The following MAGI2 variants were observed in gnomAD, a reference collection of about 807,000 sequenced individuals.
The protein encoded by MAGI2 is membrane-associated guanylate kinase, WW and PDZ domain-containing protein 2.
In MAGI2, 35 loss-of-function variants were observed where a neutral mutation model predicts 133.3. That is an observed-to-expected ratio of 0.26 (90% CI 0.20 to 0.35). The LOEUF is 0.35. MAGI2 is among the 10% of genes least tolerant of loss of function. The pLI is 1.00. For synonymous variants in MAGI2, 729 were observed against 710.6 expected (o/e 1.03, Z -0.41); for missense variants, 1,636 against 1,863.4 (o/e 0.88, Z 2.25).
intron 2 of MAGI2, among the ~76,000 whole-genome samples, chr7:78,718,303 C>T (rs185145049): frequency 4.6e-5 from 7 of 152,292 alleles, no homozygotes; most frequent in Admixed American, 4.6e-4. Context: ...CACATACCGT[C>T]CATCTCAGCA....
intron 2 of MAGI2, among the ~76,000 whole-genome samples, chr7:78,685,466 G>GTT (rs5885086): frequency 1.8e-4 from 26 of 141,626 alleles, no homozygotes; most frequent in African/African-American, 6.1e-4. Flanking sequence ...TGTCATTGTC[G>GTT]TTTTTTTTTT....
intron 16 of MAGI2, among the ~76,000 whole-genome samples, chr7:78,155,468 G>A (rs1824296718): frequency 6.6e-6 from 1 of 152,078 alleles, no homozygotes. Flanking sequence ...ACAAAAATTA[G>A]CTGGACATGG....
intron 9 of MAGI2, among the ~76,000 whole-genome samples, chr7:78,316,991 G>A (rs1787478242): frequency 6.6e-6 from 1 of 150,396 alleles, no homozygotes; most frequent in African/African-American, 2.5e-5. Flanking sequence ...AACATTTTGA[G>A]ACACTCCTGA....
At chr7:79,427,500 A>G (rs977526239) in intron 1 of MAGI2, among the ~76,000 whole-genome samples, 1 of 152,192 alleles carries the variant, frequency 6.6e-6, no homozygotes, top group East Asian at 1.9e-4. Context: ...CTTCTAATAG[A>G]GCAATCAAGG....
intron 1 of MAGI2, among the ~76,000 whole-genome samples, chr7:79,043,282 C>A (rs1320931099): frequency 6.6e-6 from 1 of 151,872 alleles, no homozygotes; most frequent in Non-Finnish European, 1.5e-5. Context: ...CAGTGGCTCA[C>A]GCCTGTAATC....
chr7:78,816,154 C>G (rs1470848300), intron 2 of MAGI2, among the ~76,000 whole-genome samples: 1 of 152,204 alleles, frequency 6.6e-6, no homozygotes, highest in Admixed American at 6.5e-5. Flanking sequence ...GAAGATTCCA[C>G]CAGCTACATT....
chr7:78,661,512 T>C (rs1431110495), intron 2 of MAGI2, among the ~76,000 whole-genome samples: 11 of 152,196 alleles, frequency 7.2e-5, no homozygotes, highest in Admixed American at 7.2e-4. Context: ...GAAGCTTGAA[T>C]GTTAACCGTT....
intron 6 of MAGI2, among the ~76,000 whole-genome samples, chr7:78,377,637 C>A (rs1585053814): frequency 6.7e-6 from 1 of 149,740 alleles, no homozygotes; most frequent in African/African-American, 2.5e-5. Flanking sequence ...AACTACTCTG[C>A]AAAAAATAAT....
intron 10 of MAGI2, among the ~76,000 whole-genome samples, chr7:78,208,071 T>A (rs988312616): frequency 2.0e-5 from 3 of 151,242 alleles, no homozygotes; most frequent in African/African-American, 4.9e-5. Context: ...GGTTTCACTA[T>A]CTTGGCCAGG....
At chr7:79,182,311 A>G (rs1336101302) in intron 1 of MAGI2, among the ~76,000 whole-genome samples, 2 of 152,032 alleles carry the variant, frequency 1.3e-5, no homozygotes, top group Non-Finnish European at 2.9e-5. Context: ...CAATCATGGA[A>G]GAAGGCAAGG....
chr7:78,497,173 T>C (rs1794164944), intron 5 of MAGI2, among the ~76,000 whole-genome samples: 1 of 152,182 alleles, frequency 6.6e-6, no homozygotes, highest in Non-Finnish European at 1.5e-5. Context: ...ATGAAGATGA[T>C]GAGTCAAAGA....
chr7:78,246,528 C>T (rs754519072), intron 10 of MAGI2, among the ~76,000 whole-genome samples: 5 of 152,078 alleles, frequency 3.3e-5, no homozygotes, highest in African/African-American at 9.7e-5. Context: ...GGAGTCAAAC[C>T]AGCCCCTTAG....
chr7:79,443,708 G>C (rs1848650084), intron 1 of MAGI2, among the ~76,000 whole-genome samples: 1 of 152,122 alleles, frequency 6.6e-6, no homozygotes, highest in Non-Finnish European at 1.5e-5. Context: ...ACAATGTAAA[G>C]TATAAACAGT....
intron 2 of MAGI2, among the ~76,000 whole-genome samples, chr7:78,792,360 T>C (rs919403564): frequency 3.9e-5 from 6 of 152,246 alleles, no homozygotes; most frequent in African/African-American, 1.4e-4. Context: ...ACCACTCATA[T>C]GAACAACACC....
intron 1 of MAGI2, among the ~76,000 whole-genome samples, chr7:79,198,611 C>T (rs944061156): frequency 1.3e-5 from 2 of 151,814 alleles, no homozygotes; most frequent in Non-Finnish European, 2.9e-5. Context: ...AGAGGTAGGC[C>T]GGGCGCAGTG....
In MAGI2 at chr7:79,028,227, ATATG is replaced by A. The variant is rs1288954422; in HGVS notation, c.302-21025_302-21022del. Among the ~76,000 whole-genome samples, 64 of 51,764 alleles carry A rather than the reference ATATG, an allele frequency of 1.2e-3. 4 individuals carry two copies. The highest frequency in any genetic ancestry group is 2.3e-3 in the African/African-American group (33 of 14,630). The allele number at this position is 51,764 out of a possible 152,430, so 34.0% of individuals were successfully genotyped here. ...CTCCATCTCAAAAAAATATATATAT[ATATG>A]TATGTATATATATATATATATATAT... On this transcript the variant is annotated intron_variant, in intron 1 of 21. Transcript: ENST00000354212.
At chr7:78,566,734 CCTTAT>C (rs1162088244) in intron 3 of MAGI2, among the ~76,000 whole-genome samples, 1 of 152,050 alleles carries the variant, frequency 6.6e-6, no homozygotes, top group Non-Finnish European at 1.5e-5. Flanking sequence ...TCTTTTCAAT[CCTTAT>C]CTTTTCTTCT....
chr7:79,251,520 A>G (rs1833271808), intron 1 of MAGI2, among the ~76,000 whole-genome samples: 1 of 152,222 alleles, frequency 6.6e-6, no homozygotes, highest in Admixed American at 6.5e-5. Context: ...AGAGAAATGC[A>G]AATCAAAACT....
chr7:78,977,290 G>A (rs1804341656), intron 2 of MAGI2, among the ~76,000 whole-genome samples: 1 of 151,292 alleles, frequency 6.6e-6, no homozygotes. Context: ...CATAAATGAG[G>A]TCAACTGATT....
Sources: allele counts gnomAD v4.1 joint callset (sites outside exome capture counted in the v4.1 genomes callset), GRCh38; gene constraint gnomAD v4.1.1; transcripts MANE v1.5; gene names NCBI Gene and HGNC (gene_info 2026-07-23, HGNC 2026-07-21).